Variants in FAR2 observed in about 807,000 individuals in gnomAD.
The protein encoded by FAR2 is epididymis secretory protein Li 81.
A neutral mutation model predicts 56.0 loss-of-function variants in FAR2; 19 were observed. The ratio of observed to expected loss-of-function variants is 0.34; its 90% CI spans 0.24 to 0.50. The LOEUF (loss-of-function observed/expected upper bound fraction) is 0.50, where lower values mean the gene tolerates loss of function less well. Ranked by LOEUF, FAR2 falls within the 20% of genes least tolerant of loss-of-function variation. FAR2 has a pLI of 0.98. For synonymous variants in FAR2, 219 were observed against 218.8 expected, an observed-to-expected ratio of 1.00 and a Z score of -0.01; for missense variants, 508 against 642.2, an observed-to-expected ratio of 0.79 and a Z score of 2.26.
Position 29,275,072 on chromosome 12 carries a change from C to T in FAR2, c.189+4434C>T, listed in dbSNP as rs1043070600. 7.3e-5 allele frequency among the ~76,000 whole-genome samples: 11 copies of T among 150,132 alleles called. No individual in the cohort carries two copies. The Admixed American group carries it at 7.4e-4, about 10-fold the overall frequency. On this transcript the variant is annotated intron_variant, in intron 2 of 11. Coordinates refer to ENST00000536681, the MANE Select transcript of FAR2 (RefSeq NM_001271783.2). ...CCTCAGGTTGGCACCAAATTTCATG[C>T]GCGTCCATGTGAAGAGACCACCAAA...
At chr12:29,309,773 G>A (rs1006674503) in intron 6 of FAR2, 2 of 152,558 alleles carry the variant, frequency 1.3e-5, no homozygotes, top group African/African-American at 2.4e-5. Context: ...TATCTTACCA[G>A]GAGAAACGTG....
chr12:29,320,675 T>C (rs568121337), intron 9 of FAR2, among the ~76,000 whole-genome samples: 259 of 152,348 alleles, frequency 1.7e-3, no homozygotes, highest in Admixed American at 2.6e-3. Context: ...GGATTAGCTA[T>C]GGGACCTTGA....
At chr12:29,206,642 T>C (rs2136623202) in intron 1 of FAR2, among the ~76,000 whole-genome samples, 1 of 152,276 alleles carries the variant, frequency 6.6e-6, no homozygotes. Context: ...AATTGGGGAA[T>C]TAAGACACAC....
At chr12:29,181,180 T>G (rs1335210905) in intron 1 of FAR2, among the ~76,000 whole-genome samples, 1 of 151,504 alleles carries the variant, frequency 6.6e-6, no homozygotes, top group East Asian at 1.9e-4. Context: ...AGAGATAAAT[T>G]TTTAGATTAG....
At chr12:29,220,886 G>A (rs1947679674) in intron 1 of FAR2, among the ~76,000 whole-genome samples, 1 of 152,142 alleles carries the variant, frequency 6.6e-6, no homozygotes, top group South Asian at 2.1e-4. Context: ...CAAGTGCATG[G>A]TTTGACCTTC....
In FAR2 at chr12:29,233,839, T is replaced by C. The variant is rs183797303; in HGVS notation, c.-38-36573T>C. On this transcript the variant is annotated intron_variant, in intron 1 of 11. Transcript: ENST00000536681. Reference sequence around the variant, plus strand: ...GCTTCTGGAACAAGTTATCCTGTTATAGAGCTTCCACAGCTTCACTTGCTT... The same window carrying C: ...GCTTCTGGAACAAGTTATCCTGTTACAGAGCTTCCACAGCTTCACTTGCTT... Among the ~76,000 whole-genome samples the C allele has an allele frequency of 1.2e-3, 176 of 152,344 alleles. 1 individual carries two copies. The highest frequency in any genetic ancestry group is 4.2e-3 in the East Asian group (22 of 5,188).
chr12:29,320,921 T>A (rs1258327979), intron 9 of FAR2, among the ~76,000 whole-genome samples: 1 of 152,162 alleles, frequency 6.6e-6, no homozygotes, highest in African/African-American at 2.4e-5. Flanking sequence ...TTGAGGTCAG[T>A]TAAAACTGGG....
chr12:29,182,655 T>C (rs907205890), intron 1 of FAR2, among the ~76,000 whole-genome samples: 1 of 152,040 alleles, frequency 6.6e-6, no homozygotes. Flanking sequence ...CTGGTTAAAA[T>C]GTAAGTATGT....
At chr12:29,217,057 C>T (rs1161777261) in intron 1 of FAR2, among the ~76,000 whole-genome samples, 1 of 152,154 alleles carries the variant, frequency 6.6e-6, no homozygotes, top group African/African-American at 2.4e-5. Flanking sequence ...TTTAGTATAA[C>T]TTACCCCTAC....
intron 1 of FAR2, among the ~76,000 whole-genome samples, chr12:29,212,386 T>G (rs1006526709): frequency 6.6e-6 from 1 of 152,216 alleles, no homozygotes; most frequent in African/African-American, 2.4e-5. Flanking sequence ...TCCATGATTG[T>G]GACCTCCATC....
chr12:29,162,422 C>T (rs12831837), intron 1 of FAR2, among the ~76,000 whole-genome samples: 2,360 of 152,290 alleles, frequency 0.015, 45 homozygotes, highest in African/African-American at 0.049. Context: ...AAACATATCT[C>T]ACTATAATGA....
intron 2 of FAR2, among the ~76,000 whole-genome samples, chr12:29,287,091 A>G (rs750140946): frequency 5.3e-5 from 8 of 152,200 alleles, no homozygotes; most frequent in East Asian, 1.9e-4. Context: ...CAATACACCA[A>G]TGGTTCTCAA....
chr12:29,223,957 C>A (rs2136642115), intron 1 of FAR2: 1 of 152,338 alleles, frequency 6.6e-6, no homozygotes, highest in East Asian at 1.9e-4. Flanking sequence ...ACAGGAGTGA[C>A]AAACTGAATG....
intron 1 of FAR2, among the ~76,000 whole-genome samples, chr12:29,233,518 G>T (rs892351401): frequency 6.6e-6 from 1 of 152,200 alleles, no homozygotes; most frequent in Non-Finnish European, 1.5e-5. Context: ...GGGATAAATT[G>T]TACCATCTGT....
At chr12:29,189,497 T>G (rs1470127163) in intron 1 of FAR2, among the ~76,000 whole-genome samples, 1 of 152,198 alleles carries the variant, frequency 6.6e-6, no homozygotes, top group Admixed American at 6.5e-5. Flanking sequence ...CCAAGGACTC[T>G]GGCTCCTCTT....
At chr12:29,286,296 C>T (rs1948876052) in intron 2 of FAR2, among the ~76,000 whole-genome samples, 1 of 152,094 alleles carries the variant, frequency 6.6e-6, no homozygotes, top group Non-Finnish European at 1.5e-5. Flanking sequence ...TGTCATCTCT[C>T]CAAGGTTATG....
chr12:29,281,577 T>C (rs564053501), intron 2 of FAR2: 1 of 152,298 alleles, frequency 6.6e-6, no homozygotes, highest in South Asian at 2.1e-4. Flanking sequence ...ATGGGTGTTT[T>C]AGGTTTAAGG....
chr12:29,274,568 C>G (rs1247590586), intron 2 of FAR2, among the ~76,000 whole-genome samples: 2 of 152,036 alleles, frequency 1.3e-5, no homozygotes, highest in Admixed American at 1.3e-4. Flanking sequence ...GGCCTCTGAG[C>G]CCAAGCTAAG....
At chr12:29,186,748 TTTATTTA>T (rs1239861192) in intron 1 of FAR2, among the ~76,000 whole-genome samples, 169 of 14,416 alleles carry the variant, frequency 0.012, no homozygotes, top group Non-Finnish European at 0.064. Flanking sequence ...AGCTTAGTTC[TTTATTTA>T]TTATTTATTT....
Sources: allele counts gnomAD v4.1 joint callset (sites outside exome capture counted in the v4.1 genomes callset), GRCh38; gene constraint gnomAD v4.1.1; transcripts MANE v1.5; gene names NCBI Gene and HGNC (gene_info 2026-07-23, HGNC 2026-07-21).